Variants in DNAH8 observed in about 807,000 individuals in gnomAD.
The protein encoded by DNAH8 is axonemal beta dynein heavy chain 8.
Under a neutral mutation model 562.1 loss-of-function variants are expected in DNAH8, and 382 were observed. That is an observed-to-expected ratio of 0.68 (90% CI 0.63 to 0.74). DNAH8 has a LOEUF of 0.74. Ranked by LOEUF, DNAH8 falls within the 30% of genes least tolerant of loss-of-function variation. DNAH8 has a pLI of 0.00. For missense variants in DNAH8, 5,203 were observed against 5,620.4 expected (o/e 0.93, Z 2.37); for synonymous variants, 1,881 against 1,919.4 (o/e 0.98, Z 0.52).
intron 43 of DNAH8, 34 bp from the exon 44 acceptor site, chr6:38,862,246 T>C (rs377531745): frequency 3.7e-5 from 59 of 1,592,584 alleles, no homozygotes; most frequent in South Asian, 2.3e-5. Context: ...TGTCATCCCA[T>C]ACTCACAATG....
rs1232796842 is a variant in DNAH8 at position 38,976,448 on chromosome 6, T to C, written c.12834+1919T>C. ...ATATGTTTCAGAAATATCACAGAAG[T>C]GTTTGCTGTGATTTTGTGTAAATAT... On this transcript the variant is annotated intron_variant, in intron 85 of 92. Coordinates refer to ENST00000327475, the MANE Select transcript of DNAH8 (RefSeq NM_001206927.2). Among the ~76,000 whole-genome samples the C allele has an allele frequency of 2.6e-5, 4 of 152,284 alleles. No homozygotes were observed. The South Asian group carries it at 8.3e-4, about 32-fold the overall frequency.
chr6:38,898,024 G>A (rs1779816237), intron 60 of DNAH8, among the ~76,000 whole-genome samples: 2 of 152,074 alleles, frequency 1.3e-5, no homozygotes, highest in South Asian at 4.1e-4. Context: ...GGAGTTGGTA[G>A]GGAAAGGTCA....
At chr6:38,981,673 C>G (rs1764047467) in intron 85 of DNAH8, among the ~76,000 whole-genome samples, 1 of 152,206 alleles carries the variant, frequency 6.6e-6, no homozygotes, top group African/African-American at 2.4e-5. Flanking sequence ...TTGCATTTGA[C>G]ATTTCAAACT....
chr6:38,914,054 G>A, intron 67 of DNAH8, 102 bp downstream of exon 67: 4 of 810,364 alleles, frequency 4.9e-6, no homozygotes. Flanking sequence ...TAAACCCATG[G>A]ACAATTCCTG....
chr6:38,930,295 G>C (rs189229561), intron 75 of DNAH8, among the ~76,000 whole-genome samples: 1 of 152,148 alleles, frequency 6.6e-6, no homozygotes, highest in Admixed American at 6.5e-5. Context: ...TTTAATTTGT[G>C]TCATTCTCTA....
chr6:38,878,536 T>C (rs972854190), intron 53 of DNAH8, among the ~76,000 whole-genome samples: 5 of 152,020 alleles, frequency 3.3e-5, no homozygotes, highest in African/African-American at 1.2e-4. Context: ...AACAAAAAGA[T>C]GGATCTGAAA....
chr6:39,029,361 C>A lies in DNAH8; in HGVS notation c.13837-744C>A, dbSNP rs563366382. ...CCTCTACAGAGGCTCCTGAGCACTC[C>A]AGCCACAGGGACCTTGCCTCAGAAT... is the stretch of plus-strand genomic sequence containing the variant. On this transcript the variant is annotated intron_variant, in intron 92 of 92. Transcript: ENST00000327475. Among the ~76,000 whole-genome samples the A allele has an allele frequency of 2.8e-3, 424 of 152,302 alleles. 2 individuals are homozygous for A. Among genetic ancestry groups the A allele is most frequent in the African/African-American group, 9.6e-3 (399 of 41,546 alleles).
chr6:38,787,024 T>C, intron 18 of DNAH8, 72 bp downstream of exon 18: 10 of 920,514 alleles, frequency 1.1e-5, no homozygotes, highest in Non-Finnish European at 1.6e-5. Context: ...TATATATATA[T>C]ATATCCCTGC....
chr6:38,969,528 A>G (rs1033360426), intron 82 of DNAH8, among the ~76,000 whole-genome samples: 4 of 152,124 alleles, frequency 2.6e-5, no homozygotes. Context: ...TTTAGATAGA[A>G]CAAGGTCCGT....
chr6:38,900,137 C>T (rs918409421), intron 62 of DNAH8, among the ~76,000 whole-genome samples: 19 of 152,266 alleles, frequency 1.2e-4, no homozygotes, highest in Admixed American at 9.1e-4. Flanking sequence ...CTCCATGTTA[C>T]GTTGCAGTCA....
At chr6:38,867,823 C>T (rs1478055832) in intron 47 of DNAH8, among the ~76,000 whole-genome samples, 3 of 150,640 alleles carry the variant, frequency 2.0e-5, no homozygotes, top group African/African-American at 7.3e-5. Flanking sequence ...CTATATTATT[C>T]TCAAAAGATA....
rs149053934 is a variant in DNAH8 at position 38,769,882 on chromosome 6, A to G, written c.1618-531A>G. Among the ~76,000 whole-genome samples the G allele has an allele frequency of 6.4e-3, 981 of 152,354 alleles. 13 individuals are homozygous for G. The highest frequency in any genetic ancestry group is 0.023 in the African/African-American group (936 of 41,578). On this transcript the variant is annotated intron_variant, in intron 11 of 92. Coordinates refer to ENST00000327475, the MANE Select transcript of DNAH8 (RefSeq NM_001206927.2). ...GGTGTTTAGGAAATGTTAGCTTGAC[A>G]TAATAGTTAATTCCTACTCTACCCA...
chr6:38,783,197 T>C (rs1253928729), intron 17 of DNAH8, 58 bp downstream of exon 17: 1 of 1,552,006 alleles, frequency 6.4e-7, no homozygotes, highest in Non-Finnish European at 8.8e-7. Context: ...TTGAATGAGT[T>C]CATAGTTCTG....
chr6:38,837,419 A>G (rs1243604965), intron 32 of DNAH8, among the ~76,000 whole-genome samples: 2 of 152,244 alleles, frequency 1.3e-5, no homozygotes, highest in African/African-American at 2.4e-5. Context: ...ATCCCAATTC[A>G]AAAGGAAAAA....
At chr6:38,980,779 T>C (rs1177636715) in intron 85 of DNAH8, among the ~76,000 whole-genome samples, 1 of 152,142 alleles carries the variant, frequency 6.6e-6, no homozygotes. Flanking sequence ...TTGTTGCTCT[T>C]AGTCTGATCT....
At position 38,783,612 on chromosome 6, in the gene DNAH8, G is replaced by A. The variant is rs191978092; in HGVS notation, c.2395+473G>A. ...AGGTTTGAGCTCCAGTAAATGAAGC[G>A]TTTTAGTGCACTGTGTCTGCGTGCC... On this transcript the variant is annotated intron_variant, in intron 17 of 92. Transcript: ENST00000327475. Among the ~76,000 whole-genome samples the A allele has an allele frequency of 5.9e-5, 9 of 152,140 alleles. No homozygotes were observed. In the East Asian group the frequency reaches 7.7e-4, roughly 13 times the overall value.
At chr6:38,961,811 A>G (rs1056687096) in intron 82 of DNAH8, among the ~76,000 whole-genome samples, 2 of 152,034 alleles carry the variant, frequency 1.3e-5, no homozygotes, top group Non-Finnish European at 2.9e-5. Context: ...GTTATTTAGC[A>G]TTGTGTTGTA....
Position 38,764,914 on chromosome 6 carries a change from A to C in DNAH8, c.1617+3111A>C, listed in dbSNP as rs1478677784. ...CAGTGGCACAGTCTTGGCTCACTGC[A>C]ACCTCTGCCTCCCAGGTTCAAGCAA... On this transcript the variant is annotated intron_variant, in intron 11 of 92. Transcript: ENST00000327475. Among the ~76,000 whole-genome samples, 2 of 152,020 alleles carry C rather than the reference A, an allele frequency of 1.3e-5. 1 individual carries two copies. Among genetic ancestry groups the C allele is most frequent in the African/African-American group, 4.8e-5 (2 of 41,396 alleles).
intron 80 of DNAH8, among the ~76,000 whole-genome samples, chr6:38,946,881 A>C (rs1761472432): frequency 6.6e-6 from 1 of 152,122 alleles, no homozygotes; most frequent in African/African-American, 2.4e-5. Context: ...GTCAAGAACC[A>C]CTGGAAAAAT....
Sources: gnomAD v4.1 joint callset for allele counts (sites outside exome capture counted in the v4.1 genomes callset) on GRCh38, gnomAD v4.1.1 for gene constraint, MANE v1.5 for transcripts, NCBI Gene and HGNC (gene_info 2026-07-23, HGNC 2026-07-21) for gene names.